The following DZANK1 variants were observed in gnomAD, a reference collection of about 807,000 sequenced individuals.
DZANK1 encodes the protein double zinc ribbon and ankyrin repeat domains 1.
DZANK1 carries 91 observed loss-of-function variants against 94.5 expected under a neutral mutation model. That is an observed-to-expected ratio of 0.96 (90% CI 0.81 to 1.15). The LOEUF (loss-of-function observed/expected upper bound fraction) is 1.15. Among genes scored for constraint, DZANK1 ranks in the 50% most tolerant of loss-of-function variants. DZANK1 has a pLI of 0.00. For synonymous variants in DZANK1, 312 were observed against 325.3 expected (o/e 0.96, Z 0.44); for missense variants, 903 against 916.4 (o/e 0.99, Z 0.19).
At chr20:18,404,515 A>G (rs1328360075) in intron 13 of DZANK1, among the ~76,000 whole-genome samples, 1 of 152,184 alleles carries the variant, frequency 6.6e-6, no homozygotes, top group Non-Finnish European at 1.5e-5. Context: ...ACAAATAACA[A>G]TAACAAGCCT....
intron 8 of DZANK1, among the ~76,000 whole-genome samples, chr20:18,440,643 T>A (rs2058689075): frequency 6.6e-6 from 1 of 152,134 alleles, no homozygotes; most frequent in Non-Finnish European, 1.5e-5. Context: ...GTGAGGAGAA[T>A]AAACATCCCC....
chr20:18,394,615 A>G (rs762487754), intron 15 of DZANK1: 1 of 640,344 alleles, frequency 1.6e-6, no homozygotes, highest in South Asian at 1.4e-5. Context: ...CATTGGGACC[A>G]TCACAATAGC....
At chr20:18,409,555 C>T (rs1056390060) in intron 13 of DZANK1, among the ~76,000 whole-genome samples, 1 of 59,832 alleles carries the variant, frequency 1.7e-5, no homozygotes, top group South Asian at 9.4e-4. Flanking sequence ...TATGAATACA[C>T]ACACACACAC....
intron 9 of DZANK1, among the ~76,000 whole-genome samples, chr20:18,429,762 CTA>C (rs1419306992): frequency 1.3e-5 from 2 of 152,316 alleles, no homozygotes; most frequent in South Asian, 2.1e-4. Context: ...ACAGGTTTTT[CTA>C]TGTTTTTATT....
At chr20:18,415,501 C>T (rs375471196) in intron 10 of DZANK1, 52 bp from the exon 11 acceptor site, 2 of 1,325,526 alleles carry the variant, frequency 1.5e-6, no homozygotes, top group Non-Finnish European at 1.9e-6. Flanking sequence ...ATTCTCTAAT[C>T]CCCCTCCCAA....
intron 14 of DZANK1, among the ~76,000 whole-genome samples, chr20:18,397,656 G>C (rs1250221043): frequency 6.6e-6 from 1 of 152,222 alleles, no homozygotes; most frequent in Non-Finnish European, 1.5e-5. Flanking sequence ...AGCAGAGATA[G>C]CTTGTCTTTG....
rs2058699600 is a variant in DZANK1, at chr20:18,441,002, G to T, written c.747+2345C>A. 6.6e-6 allele frequency among the ~76,000 whole-genome samples: 1 copy of T among 151,974 alleles called. No individual in the cohort carries two copies. The highest frequency in any genetic ancestry group is 1.9e-4 in the East Asian group (1 of 5,204). On this transcript the variant is annotated intron_variant, in intron 8 of 20. Transcript: ENST00000262547. The surrounding 1 kb of genome is among the most constrained non-coding windows in gnomAD (Gnocchi z 4.1). ...GAGCTACAAGAAGTATATTATTTTGGGCTGTCATAGGAGCCCTCTGGTTCC... is the reference window on the plus strand; with the variant it reads ...GAGCTACAAGAAGTATATTATTTTGTGCTGTCATAGGAGCCCTCTGGTTCC...
intron 9 of DZANK1, among the ~76,000 whole-genome samples, chr20:18,427,507 A>T (rs989718221): frequency 7.2e-5 from 11 of 152,174 alleles, no homozygotes; most frequent in Non-Finnish European, 1.6e-4. Context: ...TTTTAAAAGA[A>T]ACAAAACCAC....
In DZANK1 at chr20:18,415,224, T is replaced by A. The variant is rs142013547; in HGVS notation, c.1077+103A>T. On this transcript the variant is annotated intron_variant, in intron 11 of 20. Transcript: ENST00000262547. The stretch of plus-strand genomic sequence containing the variant: ...TAGGTTATAGGTACCAGTAGCGAAA[T>A]CACAAGAAGTGATTTCTGCAAGGCC... 5.5e-5 allele frequency: 68 copies of A among 1,244,082 alleles called. 1 individual carries two copies. The African/African-American group carries it at 8.3e-4, about 15-fold the overall frequency. The allele number at this position is 1,244,082 out of a possible 1,614,324, so 77.1% of individuals were successfully genotyped here.
chr20:18,385,711 G>C (rs1347531652), intron 19 of DZANK1, among the ~76,000 whole-genome samples: 1 of 152,094 alleles, frequency 6.6e-6, no homozygotes, highest in Non-Finnish European at 1.5e-5. Context: ...ACTTTGGCTT[G>C]GACCTCTTGG....
At chr20:18,443,316 G>T (rs368345100) in intron 8 of DZANK1, 31 bp downstream of exon 8, 15 of 1,368,670 alleles carry the variant, frequency 1.1e-5, no homozygotes, top group Non-Finnish European at 1.3e-5. Context: ...ATCAACCAAT[G>T]AAAGATGTTT....
chr20:18,449,107 T>G, intron 6 of DZANK1, 38 bp from the exon 7 acceptor site: 2 of 1,527,740 alleles, frequency 1.3e-6, no homozygotes, highest in Non-Finnish European at 1.8e-6. Flanking sequence ...CAGAGTCATA[T>G]AGTCAAAATA....
intron 1 of DZANK1, among the ~76,000 whole-genome samples, chr20:18,466,548 G>A (rs1463045623): frequency 1.3e-5 from 2 of 152,308 alleles, no homozygotes; most frequent in South Asian, 2.1e-4. Flanking sequence ...CTTGAGACTT[G>A]CCCATAGTCG....
At chr20:18,415,756 T>G (rs2057462260) in intron 10 of DZANK1, among the ~76,000 whole-genome samples, 1 of 152,176 alleles carries the variant, frequency 6.6e-6, no homozygotes, top group Non-Finnish European at 1.5e-5. Flanking sequence ...ACTGTTGATT[T>G]AACAGAACAA....
At chr20:18,458,053 G>A (rs769676348) in intron 3 of DZANK1, among the ~76,000 whole-genome samples, 3 of 152,058 alleles carry the variant, frequency 2.0e-5, no homozygotes, top group Admixed American at 1.3e-4. Flanking sequence ...TATTTGACCT[G>A]GCCAGACTCT....
chr20:18,418,873 A>C (rs2057626649), intron 10 of DZANK1, among the ~76,000 whole-genome samples: 1 of 152,250 alleles, frequency 6.6e-6, no homozygotes, highest in African/African-American at 2.4e-5. Context: ...TACTAGACGG[A>C]CTGAATAGCT....
At position 18,390,473 on chromosome 20, in the gene DZANK1, G is replaced by C. The variant is rs1568870889; in HGVS notation, c.1810-14C>G. 6.2e-7 allele frequency: 1 copy of C among 1,612,854 alleles called. No homozygotes were observed. Among genetic ancestry groups the C allele is most frequent in the Admixed American group, 1.7e-5 (1 of 60,002 alleles). Reference sequence around the variant, plus strand: ...TCTGTTTTCAGGCTGCAGGATTACAGAATGTGGTCATTTCCCCCACTTCAA... The same window carrying C: ...TCTGTTTTCAGGCTGCAGGATTACACAATGTGGTCATTTCCCCCACTTCAA... On this transcript the variant is annotated splice_polypyrimidine_tract_variant and intron_variant, in intron 17 of 20. Coordinates refer to ENST00000262547, the Ensembl canonical transcript of DZANK1.
rs377130579 is a variant in DZANK1, at chr20:18,438,507, G to A, written c.748-4742C>T. On this transcript the variant is annotated intron_variant, in intron 8 of 20. Coordinates refer to ENST00000262547, the Ensembl canonical transcript of DZANK1. ...AAAAGCACAGAAAAGGCCTTACAATGCAAACAGTAACCATAAAAGAGCTAG... is the reference window on the plus strand; with the variant it reads ...AAAAGCACAGAAAAGGCCTTACAATACAAACAGTAACCATAAAAGAGCTAG... Among the ~76,000 whole-genome samples, 23 of 152,216 alleles carry A rather than the reference G, an allele frequency of 1.5e-4. No homozygotes were observed. The East Asian group carries it at 3.3e-3, about 22-fold the overall frequency.
intron 8 of DZANK1, among the ~76,000 whole-genome samples, chr20:18,434,636 G>A (rs1394210985): frequency 6.6e-6 from 1 of 150,934 alleles, no homozygotes; most frequent in Non-Finnish European, 1.5e-5. Context: ...TTGAAAGGCA[G>A]ATAACAAACA....
Sources: allele counts gnomAD v4.1 joint callset (sites outside exome capture counted in the v4.1 genomes callset), GRCh38; gene constraint gnomAD v4.1.1; non-coding constraint Gnocchi (gnomAD v3.1); transcripts MANE v1.5; gene names NCBI Gene and HGNC (gene_info 2026-07-23, HGNC 2026-07-21).